Variants in MARCHF1 observed in about 807,000 individuals in gnomAD.
The protein encoded by MARCHF1 is E3 ubiquitin-protein ligase MARCHF1.
MARCHF1 carries 40 observed loss-of-function variants against 54.2 expected under a neutral mutation model. That is an observed-to-expected ratio of 0.74 (90% CI 0.57 to 0.96). MARCHF1 has a LOEUF of 0.96. Ranked by LOEUF, MARCHF1 falls within the 40% of genes least tolerant of loss-of-function variation. The probability of loss-of-function intolerance (pLI) is 0.00; values close to 1 mark genes in which losing one functional copy is unlikely to be tolerated. For missense variants in MARCHF1, 586 were observed against 656.5 expected (o/e 0.89, Z 1.17); for synonymous variants, 236 against 236.3 (o/e 1.00, Z 0.01).
At chr4:163,746,934 G>A (rs13139036) in intron 4 of MARCHF1, among the ~76,000 whole-genome samples, 42,136 of 152,052 alleles carry the variant, frequency 0.28, 7,160 homozygotes, top group Non-Finnish European at 0.39. Context: ...ATCCGGAGAC[G>A]TAAGTTGACC....
At chr4:164,080,755 T>C (rs1325653768) in intron 2 of MARCHF1, among the ~76,000 whole-genome samples, 5 of 151,670 alleles carry the variant, frequency 3.3e-5, no homozygotes, top group African/African-American at 1.2e-4. Context: ...ATTTTAAAAA[T>C]GTAAAAAGCA....
intron 3 of MARCHF1, among the ~76,000 whole-genome samples, chr4:163,891,348 T>C (rs1750656252): frequency 6.6e-6 from 1 of 152,074 alleles, no homozygotes; most frequent in Non-Finnish European, 1.5e-5. Flanking sequence ...GAATAAAAGG[T>C]GTTAACTAAA....
At chr4:164,351,773 T>C (rs373938484) in intron 1 of MARCHF1, among the ~76,000 whole-genome samples, 46 of 152,106 alleles carry the variant, frequency 3.0e-4, no homozygotes, top group African/African-American at 5.8e-4. Flanking sequence ...ATGACTTTGA[T>C]GAGCTGAGAG....
chr4:163,717,302 C>G (rs1238742552), intron 4 of MARCHF1, among the ~76,000 whole-genome samples: 1 of 151,546 alleles, frequency 6.6e-6, no homozygotes, highest in Non-Finnish European at 1.5e-5. Flanking sequence ...CAGCTTCATC[C>G]ATGTCCCTAC....
intron 1 of MARCHF1, among the ~76,000 whole-genome samples, chr4:164,338,370 G>T (rs1251100058): frequency 6.6e-6 from 1 of 151,986 alleles, no homozygotes; most frequent in Non-Finnish European, 1.5e-5. Flanking sequence ...AGAAAACAAA[G>T]AATATGTAAC....
chr4:164,151,098 G>A (rs192200463), intron 1 of MARCHF1, among the ~76,000 whole-genome samples: 74 of 152,290 alleles, frequency 4.9e-4, no homozygotes, highest in African/African-American at 1.6e-3. Context: ...GAAAGAACAT[G>A]ATGCTGACAT....
rs1310660252 is a variant in MARCHF1, at chr4:163,613,557, A to T, written c.163-164T>A. 9.1e-6 allele frequency: 14 copies of T among 1,537,986 alleles called. No individual in the cohort carries two copies. The East Asian group carries it at 3.2e-4, about 36-fold the overall frequency. On this transcript the variant is annotated intron_variant, in intron 5 of 9. Transcript: ENST00000514618. Reference sequence around the variant, plus strand: ...TAGGAAGTTTGAGGTTGGTTTTGCAAAAGTAAAACTTATTTGAGGAACCTG... The same window carrying T: ...TAGGAAGTTTGAGGTTGGTTTTGCATAAGTAAAACTTATTTGAGGAACCTG...
chr4:164,250,885 T>G (rs1733104671), intron 1 of MARCHF1, among the ~76,000 whole-genome samples: 1 of 152,116 alleles, frequency 6.6e-6, no homozygotes, highest in Non-Finnish European at 1.5e-5. Context: ...ATATATGCTC[T>G]TGTTACTACT....
chr4:164,269,635 A>G (rs541801877), intron 1 of MARCHF1, among the ~76,000 whole-genome samples: 97 of 152,130 alleles, frequency 6.4e-4, no homozygotes, highest in Non-Finnish European at 1.2e-3. Flanking sequence ...TAGTTGGGTG[A>G]TGTGTCTTAT....
chr4:164,191,067 T>C (rs1731111127), intron 1 of MARCHF1, among the ~76,000 whole-genome samples: 1 of 152,242 alleles, frequency 6.6e-6, no homozygotes, highest in Non-Finnish European at 1.5e-5. Flanking sequence ...TCTCTTTGCA[T>C]ACTGAAAAGA....
intron 1 of MARCHF1, among the ~76,000 whole-genome samples, chr4:164,348,994 T>C (rs1190773937): frequency 2.0e-5 from 3 of 152,146 alleles, no homozygotes; most frequent in Non-Finnish European, 2.9e-5. Flanking sequence ...TGCTTTATTA[T>C]ACCCAAAGAA....
At chr4:164,017,658 A>G (rs1017725633) in intron 2 of MARCHF1, among the ~76,000 whole-genome samples, 1 of 151,914 alleles carries the variant, frequency 6.6e-6, no homozygotes, top group South Asian at 2.1e-4. Flanking sequence ...AATAAAATGA[A>G]GATAAATAAA....
intron 4 of MARCHF1, among the ~76,000 whole-genome samples, chr4:163,850,220 GCACCCCC>G (rs1375156532): frequency 6.6e-6 from 1 of 152,122 alleles, no homozygotes; most frequent in Non-Finnish European, 1.5e-5. Context: ...ATAGAGAAGT[GCACCCCC>G]TTCAGGGGTC....
At chr4:163,827,967 A>G (rs1380271656) in intron 4 of MARCHF1, among the ~76,000 whole-genome samples, 1 of 151,554 alleles carries the variant, frequency 6.6e-6, no homozygotes. Flanking sequence ...TTGATTTAAG[A>G]TGACGGACAG....
rs1744198363 is a variant in MARCHF1 at position 163,684,207 on chromosome 4, C to T, written c.162+16606G>A. Reference sequence around the variant, plus strand: ...GTTTCAAGGAGAAGGGAACATAGGGCCCTCCAATTAATAGAAGAGTGTCAA... The same window carrying T: ...GTTTCAAGGAGAAGGGAACATAGGGTCCTCCAATTAATAGAAGAGTGTCAA... On this transcript the variant is annotated intron_variant, in intron 5 of 9. Transcript: ENST00000514618. Among the ~76,000 whole-genome samples the T allele has an allele frequency of 2.6e-5, 4 of 152,140 alleles. No homozygotes were observed. The South Asian group carries it at 8.3e-4, about 31-fold the overall frequency.
intron 2 of MARCHF1, among the ~76,000 whole-genome samples, chr4:164,065,781 T>G (rs2874466): frequency 0.68 from 102,869 of 151,986 alleles, 36,056 homozygotes; most frequent in Non-Finnish European, 0.78. Context: ...GGCAAACCAC[T>G]GGTGTAATAG....
chr4:164,178,382 C>T (rs1008304835), intron 1 of MARCHF1, among the ~76,000 whole-genome samples: 3 of 152,140 alleles, frequency 2.0e-5, no homozygotes, highest in Non-Finnish European at 4.4e-5. Context: ...GATACATAAA[C>T]ACAAGGAGAA....
chr4:164,147,433 A>C, intron 1 of MARCHF1, among the ~76,000 whole-genome samples: 1 of 132,722 alleles, frequency 7.5e-6, no homozygotes, highest in African/African-American at 3.3e-5. Flanking sequence ...CAAATGTCCA[A>C]CAATGATAGA....
intron 3 of MARCHF1, among the ~76,000 whole-genome samples, chr4:163,975,392 A>G (rs1256520137): frequency 2.6e-5 from 4 of 152,274 alleles, no homozygotes; most frequent in Non-Finnish European, 5.9e-5. Flanking sequence ...TGGGCTGCAT[A>G]TAAGATACAA....
Sources: allele counts gnomAD v4.1 joint callset (sites outside exome capture counted in the v4.1 genomes callset), GRCh38; gene constraint gnomAD v4.1.1; transcripts MANE v1.5; gene names NCBI Gene and HGNC (gene_info 2026-07-23, HGNC 2026-07-21).